The following FLT1 variants were observed in gnomAD, a reference collection of about 807,000 sequenced individuals.
The protein encoded by FLT1 is fms related receptor tyrosine kinase 1.
FLT1 carries 49 observed loss-of-function variants against 156.3 expected under a neutral mutation model. That is an observed-to-expected ratio of 0.31 (90% CI 0.25 to 0.40). FLT1 has a LOEUF of 0.40. FLT1 is among the 10% of genes least tolerant of loss of function. The pLI, the probability that FLT1 is intolerant of heterozygous loss-of-function variation, is 1.00. For missense variants in FLT1, 1,322 were observed against 1,637.2 expected (o/e 0.81, Z 3.32); for synonymous variants, 594 against 583.8 (o/e 1.02, Z -0.25).
At chr13:28,320,224 C>G (rs946552352) in intron 23 of FLT1, among the ~76,000 whole-genome samples, 4 of 152,102 alleles carry the variant, frequency 2.6e-5, no homozygotes, top group Admixed American at 1.3e-4. Context: ...CAGATACAGA[C>G]GAACAGAAAG....
At chr13:28,397,131 T>C (rs1371415207) in intron 11 of FLT1, 63 bp from the exon 12 acceptor site, 8 of 917,894 alleles carry the variant, frequency 8.7e-6, no homozygotes, top group Non-Finnish European at 1.4e-5. Context: ...CACCCCAAGC[T>C]ACTTCTGAGG....
intron 15 of FLT1, among the ~76,000 whole-genome samples, chr13:28,355,204 A>G (rs1007200647): frequency 1.1e-4 from 17 of 152,202 alleles, no homozygotes; most frequent in Admixed American, 3.3e-4. Flanking sequence ...CTCACCACAT[A>G]GTCATTGTGC....
At chr13:28,368,376 T>C (rs1417725045) in intron 14 of FLT1, 1 of 1,087,556 alleles carries the variant, frequency 9.2e-7, no homozygotes, top group Admixed American at 2.8e-5. Context: ...GGTCTTGAAC[T>C]CCTGACCTCA....
intron 7 of FLT1, 49 bp from the exon 8 acceptor site, chr13:28,430,216 A>G: frequency 7.2e-7 from 1 of 1,382,542 alleles, no homozygotes; most frequent in Non-Finnish European, 1.0e-6. Flanking sequence ...AATTTCCATA[A>G]ACAAAACCTT....
At chr13:28,349,183 G>C (rs149869493) in intron 15 of FLT1, among the ~76,000 whole-genome samples, 1 of 152,304 alleles carries the variant, frequency 6.6e-6, no homozygotes, top group African/African-American at 2.4e-5. Context: ...CTGGCATATA[G>C]TAGACATCCT....
intron 3 of FLT1, among the ~76,000 whole-genome samples, chr13:28,465,430 A>G (rs1488538320): frequency 1.3e-5 from 2 of 152,176 alleles, no homozygotes; most frequent in Non-Finnish European, 2.9e-5. Flanking sequence ...AGCTACAAAG[A>G]GGTTACTGTC....
At chr13:28,493,280 A>G (rs923042499) in intron 1 of FLT1, among the ~76,000 whole-genome samples, 3 of 152,250 alleles carry the variant, frequency 2.0e-5, no homozygotes, top group African/African-American at 7.2e-5. Flanking sequence ...TGACTTTTCA[A>G]AACAAAAAAT....
At position 28,440,224 on chromosome 13, in the gene FLT1, G is replaced by A. The variant is rs920812557; in HGVS notation, c.389-1879C>T. Among the ~76,000 whole-genome samples the A allele has an allele frequency of 3.3e-5, 5 of 152,192 alleles. No homozygotes were observed. In the East Asian group the frequency reaches 9.6e-4, roughly 29 times the overall value. On this transcript the variant is annotated intron_variant, in intron 3 of 29. Transcript: ENST00000282397. ...GTACTCCTTGGATGCTACATTCCTA[G>A]AGGAGAGGAAATGGATTGTATTCAT...
chr13:28,396,550 TA>T (rs538245110), intron 12 of FLT1, among the ~76,000 whole-genome samples: 1 of 152,106 alleles, frequency 6.6e-6, no homozygotes, highest in Non-Finnish European at 1.5e-5. Context: ...ACCTAAGTTG[TA>T]AAAAAATTAA....
intron 10 of FLT1, among the ~76,000 whole-genome samples, chr13:28,421,540 T>G (rs1410733068): frequency 6.6e-6 from 1 of 152,054 alleles, no homozygotes; most frequent in African/African-American, 2.4e-5. Context: ...TGCACTTTTT[T>G]TTTTCCTTAC....
chr13:28,413,333 T>G (rs771591435), intron 10 of FLT1, among the ~76,000 whole-genome samples: 11 of 152,086 alleles, frequency 7.2e-5, no homozygotes, highest in Non-Finnish European at 1.6e-4. Flanking sequence ...CTCCTTCTGC[T>G]GGCTTCTAGA....
chr13:28,347,838 G>A (rs1218540090), intron 15 of FLT1, among the ~76,000 whole-genome samples: 1 of 152,166 alleles, frequency 6.6e-6, no homozygotes. Context: ...TTATGAATAA[G>A]GAAATTGAGA....
At chr13:28,480,541 G>C (rs1880774053) in intron 1 of FLT1, among the ~76,000 whole-genome samples, 1 of 152,182 alleles carries the variant, frequency 6.6e-6, no homozygotes. Context: ...AGTTGGAGGT[G>C]AGACCTGAAG....
At position 28,394,651 on chromosome 13, in the gene FLT1, C is replaced by T. The variant is rs75834644; in HGVS notation, c.1660+2309G>A. Among the ~76,000 whole-genome samples the T allele has an allele frequency of 5.6e-3, 858 of 152,284 alleles. 6 individuals carry two copies. The highest frequency in any genetic ancestry group is 0.019 in the African/African-American group (799 of 41,548). ...TTCCCCTTTTCTCTTAGCACATCCTCTTCCAGTACTGCCCTCAGACCCAGG... is the reference window on the plus strand; with the variant it reads ...TTCCCCTTTTCTCTTAGCACATCCTTTTCCAGTACTGCCCTCAGACCCAGG... On this transcript the variant is annotated intron_variant, in intron 12 of 29. Transcript: ENST00000282397.
chr13:28,334,986 T>A (rs1369136521), intron 17 of FLT1, among the ~76,000 whole-genome samples: 5 of 152,056 alleles, frequency 3.3e-5, no homozygotes, highest in African/African-American at 1.2e-4. Context: ...AGAGTGGTGT[T>A]CAGGAATGTG....
chr13:28,405,094 T>C (rs1034456485), intron 11 of FLT1, among the ~76,000 whole-genome samples: 15 of 152,006 alleles, frequency 9.9e-5, no homozygotes, highest in African/African-American at 3.4e-4. Flanking sequence ...AAGTGTATTC[T>C]TTACTAATTC....
At chr13:28,303,998 A>G (rs1406459659) in intron 29 of FLT1, among the ~76,000 whole-genome samples, 3 of 152,220 alleles carry the variant, frequency 2.0e-5, no homozygotes, top group Non-Finnish European at 4.4e-5. Flanking sequence ...TTACATCCAG[A>G]CTAGGACAGA....
chr13:28,441,123 G>A (rs1048495273), intron 3 of FLT1, among the ~76,000 whole-genome samples: 3 of 152,152 alleles, frequency 2.0e-5, no homozygotes, highest in Non-Finnish European at 4.4e-5. Context: ...CACACTCAAA[G>A]GCAAAATGGC....
intron 12 of FLT1, among the ~76,000 whole-genome samples, chr13:28,393,186 T>C (rs1480443201): frequency 1.3e-5 from 2 of 152,186 alleles, no homozygotes; most frequent in African/African-American, 2.4e-5. Flanking sequence ...TGAGGTGTCA[T>C]GGAGAAGAAT....
Sources: allele counts gnomAD v4.1 joint callset (sites outside exome capture counted in the v4.1 genomes callset), GRCh38; gene constraint gnomAD v4.1.1; transcripts MANE v1.5; gene names NCBI Gene and HGNC (gene_info 2026-07-23, HGNC 2026-07-21).